The following XRN2 variants were observed in gnomAD, a reference collection of about 807,000 sequenced individuals.
The protein encoded by XRN2 is 5'-3' exoribonuclease 2, also known as DHM1-like protein.
In XRN2, 44 loss-of-function variants were observed where a neutral mutation model predicts 138.5. That is an observed-to-expected ratio of 0.32 (90% confidence interval 0.25 to 0.41). XRN2 has a LOEUF of 0.41. Ranked by LOEUF, XRN2 falls within the 10% of genes least tolerant of loss-of-function variation. The pLI, the probability that XRN2 is intolerant of heterozygous loss-of-function variation, is 1.00. For synonymous variants in XRN2, 354 were observed against 369.4 expected, an observed-to-expected ratio of 0.96 and a Z score of 0.48; for missense variants, 937 against 1,169.3, an observed-to-expected ratio of 0.80 and a Z score of 2.90.
intron 27 of XRN2, among the ~76,000 whole-genome samples, chr20:21,376,961 A>G (rs1315035788): frequency 1.3e-5 from 2 of 152,214 alleles, no homozygotes; most frequent in Non-Finnish European, 2.9e-5. Context: ...CATATAAACT[A>G]GAAACATAAA....
intron 21 of XRN2, 32 bp from the exon 22 acceptor site, chr20:21,356,048 T>G: frequency 6.5e-7 from 1 of 1,548,000 alleles, no homozygotes; most frequent in Non-Finnish European, 8.8e-7. Context: ...AATTTTTTTA[T>G]GTGTAGGTCT....
chr20:21,341,074 C>T (rs960929989), intron 15 of XRN2, among the ~76,000 whole-genome samples: 6 of 152,196 alleles, frequency 3.9e-5, no homozygotes, highest in Admixed American at 1.3e-4. Flanking sequence ...TTGATACATG[C>T]GAATATAAAG....
chr20:21,342,243 T>G (rs1160836873), intron 15 of XRN2, among the ~76,000 whole-genome samples: 1 of 152,198 alleles, frequency 6.6e-6, no homozygotes, highest in Non-Finnish European at 1.5e-5. Flanking sequence ...TCTCTAATAC[T>G]TATCTACTGA....
In XRN2 at chr20:21,333,845, C is replaced by G. The variant is rs773275368; in HGVS notation, c.1067+8C>G. The G allele has an allele frequency of 1.9e-6, 3 of 1,613,952 alleles. No homozygotes were observed. The highest frequency in any genetic ancestry group is 1.3e-5 in the African/African-American group (1 of 74,902). On this transcript the variant is annotated splice_region_variant and intron_variant, in intron 11 of 29. Coordinates refer to ENST00000377191, the MANE Select transcript of XRN2 (RefSeq NM_012255.5). Reference sequence around the variant, plus strand: ...GCCATCGTTAGAGATTAGGTATGTGCATTTGTGTAGCTTTTCAAACGACTG... The same window carrying G: ...GCCATCGTTAGAGATTAGGTATGTGGATTTGTGTAGCTTTTCAAACGACTG...
rs1016727908 is a variant in XRN2 at position 21,365,592 on chromosome 20, A to C, written c.2344A>C (p.Lys782Gln). The change falls in exon 26 of 30, where the codon AAA becomes CAA. Residue 782 changes from lysine to glutamine, a missense_variant. Transcript: ENST00000377191. ...GGTCAGAAAGCCAGCAGCAGTACTG[A>C]AACCTAGTGACTGGGAAAAATCCAG... ...PGARKPAAVL[K>Q]PSDWEKSSNG... is the part of the protein sequence containing the mutation. 3 of 1,613,496 alleles carry C rather than the reference A, an allele frequency of 1.9e-6. No individual in the cohort carries two copies. In the African/African-American group the frequency reaches 4.0e-5, roughly 22 times the overall value.
chr20:21,334,338 T>A (rs2038257109), intron 13 of XRN2, among the ~76,000 whole-genome samples, 153 bp downstream of exon 13: 1 of 152,226 alleles, frequency 6.6e-6, no homozygotes, highest in South Asian at 2.1e-4. Flanking sequence ...CTTTGATTAT[T>A]TTATAAAGGT....
At chr20:21,346,354 G>A in intron 16 of XRN2, 61 bp from the exon 17 acceptor site, 1 of 1,594,124 alleles carries the variant, frequency 6.3e-7, no homozygotes, top group Middle Eastern at 1.7e-4. Flanking sequence ...GTATAAATTA[G>A]TAGACAGCCT....
intron 1 of XRN2, among the ~76,000 whole-genome samples, chr20:21,323,654 C>G (rs1210860742): frequency 2.0e-5 from 3 of 152,142 alleles, no homozygotes; most frequent in Non-Finnish European, 4.4e-5. Flanking sequence ...CTGGGAATAC[C>G]TGGAGCTCTT....
chr20:21,356,739 A>G, intron 23 of XRN2, 74 bp downstream of exon 23: 1 of 1,277,076 alleles, frequency 7.8e-7, no homozygotes, highest in Non-Finnish European at 1.1e-6. Flanking sequence ...TGTTGTCTAA[A>G]TGTTTATTTT....
chr20:21,347,047 A>G (rs1272342970), intron 17 of XRN2, among the ~76,000 whole-genome samples: 1 of 152,190 alleles, frequency 6.6e-6, no homozygotes, highest in Non-Finnish European at 1.5e-5. Flanking sequence ...AGTTTCTTAG[A>G]TATTAATATA....
chr20:21,369,795 G>T (rs1034451892), intron 27 of XRN2, among the ~76,000 whole-genome samples: 2 of 151,634 alleles, frequency 1.3e-5, no homozygotes, highest in African/African-American at 2.4e-5. Context: ...ATAGTTTGCA[G>T]ATATTTTCTC....
In XRN2 at chr20:21,386,849, A is replaced by T; in HGVS notation, c.2649-19A>T. The T allele has an allele frequency of 6.2e-7, 1 of 1,602,978 alleles. No homozygotes were observed. Among genetic ancestry groups the T allele is most frequent in the East Asian group, 2.2e-5 (1 of 44,508 alleles). On this transcript the variant is annotated intron_variant, in intron 28 of 29. Transcript: ENST00000377191. ...ATAATAGGTGTGGCTTCTGATGTAAAACTGGTACTTTCCTACAGAGGCGTT... is the reference window on the plus strand; with the variant it reads ...ATAATAGGTGTGGCTTCTGATGTAATACTGGTACTTTCCTACAGAGGCGTT...
At chr20:21,359,361 C>A (rs1306793165) in intron 24 of XRN2, among the ~76,000 whole-genome samples, 1 of 151,914 alleles carries the variant, frequency 6.6e-6, no homozygotes, top group African/African-American at 2.4e-5. Flanking sequence ...ATGGTGAAAC[C>A]CTATCTCTAC....
intron 27 of XRN2, among the ~76,000 whole-genome samples, chr20:21,371,124 A>G (rs2038756824): frequency 1.3e-5 from 2 of 152,232 alleles, no homozygotes; most frequent in African/African-American, 2.4e-5. Context: ...CCGAAGCTGT[A>G]CTTATGAAAG....
intron 29 of XRN2, among the ~76,000 whole-genome samples, chr20:21,388,695 T>G (rs545524828): frequency 6.6e-6 from 1 of 152,334 alleles, no homozygotes; most frequent in East Asian, 1.9e-4. Flanking sequence ...AGGTTTATCT[T>G]TTGTTATACA....
chr20:21,316,299 G>A (rs961640409), intron 1 of XRN2, among the ~76,000 whole-genome samples: 12 of 152,232 alleles, frequency 7.9e-5, no homozygotes, highest in African/African-American at 2.7e-4. Context: ...ATGATGAAGT[G>A]CAGTTCATCT....
At chr20:21,303,768 A>C in intron 1 of XRN2, 1 of 1,173,854 alleles carries the variant, frequency 8.5e-7, no homozygotes. Context: ...GGCCCCGCCC[A>C]CTGCTTTGTT....
At chr20:21,382,431 G>C (rs2038896088) in intron 28 of XRN2, among the ~76,000 whole-genome samples, 1 of 152,120 alleles carries the variant, frequency 6.6e-6, no homozygotes, top group African/African-American at 2.4e-5. Context: ...TTTCTGTGCG[G>C]GCAATGCAGC....
chr20:21,325,612 A>C (rs1442312854), intron 1 of XRN2, among the ~76,000 whole-genome samples: 4 of 152,232 alleles, frequency 2.6e-5, no homozygotes, highest in African/African-American at 7.2e-5. Flanking sequence ...ATGTGACGGC[A>C]TTGAGAGATC....
Sources: allele counts gnomAD v4.1 joint callset (sites outside exome capture counted in the v4.1 genomes callset), GRCh38; gene constraint gnomAD v4.1.1; transcripts MANE v1.5; gene names NCBI Gene and HGNC (gene_info 2026-07-23, HGNC 2026-07-21).